Variants in THOC7 observed in about 807,000 individuals in gnomAD.
THOC7 encodes the protein THO complex subunit 7, also known as NIF3L1-binding protein 1.
THOC7 carries 22 observed loss-of-function variants against 33.1 expected under a neutral mutation model. The ratio of observed to expected loss-of-function variants is 0.66; its 90% confidence interval spans 0.47 to 0.95. The LOEUF is 0.95. THOC7 is among the 40% of genes least tolerant of loss of function. The probability of loss-of-function intolerance (pLI) is 0.00; values close to 1 mark genes in which losing one functional copy is unlikely to be tolerated. For missense variants in THOC7, 184 were observed against 245.3 expected (o/e 0.75, Z 1.67); for synonymous variants, 77 against 76.8 (o/e 1.00, Z -0.01).
intron 1 of THOC7, among the ~76,000 whole-genome samples, chr3:63,845,703 A>G (rs1220427631): frequency 6.6e-6 from 1 of 152,174 alleles, no homozygotes; most frequent in African/African-American, 2.4e-5. Flanking sequence ...TAAGTTGGTC[A>G]AGGCGATCTC....
Position 63,839,694 on chromosome 3 carries a change from A to G in THOC7, c.99T>C (p.Ser33=). 6.2e-7 allele frequency: 1 copy of G among 1,612,400 alleles called. No homozygotes were observed. Among genetic ancestry groups the G allele is most frequent in the Admixed American group, 1.7e-5 (1 of 59,996 alleles). Residue 33 remains serine, a synonymous_variant, in exon 2 of 8, where the codon AGT becomes AGC. Coordinates refer to ENST00000295899, the MANE Select transcript of THOC7 (RefSeq NM_025075.4). ...ACCCAGAGTTGCACCATTTAATGAA[A>G]CTCTTCACTAGCAGATTAATTCTCC... ...DDRRINLLVK[S]FIKWCNSGSQ...
chr3:63,853,996 A>G (rs1470832076), intron 1 of THOC7, among the ~76,000 whole-genome samples: 1 of 152,208 alleles, frequency 6.6e-6, no homozygotes, highest in African/African-American at 2.4e-5. Context: ...AGATATATCT[A>G]TGTAGATACA....
intron 1 of THOC7, chr3:63,848,410 C>T (rs1202060519): frequency 6.6e-6 from 1 of 152,102 alleles, no homozygotes; most frequent in Admixed American, 6.5e-5. Context: ...AAATCGACTC[C>T]ACCTATGAGC....
chr3:63,861,471 T>A (rs568601371), intron 1 of THOC7: 1 of 152,394 alleles, frequency 6.6e-6, no homozygotes, highest in South Asian at 2.1e-4. Context: ...CTCCCACCTG[T>A]CCTCTTTGCA....
In THOC7 at chr3:63,835,228, G is replaced by A. The variant is rs749027288; in HGVS notation, c.478-5C>T. 1.2e-6 allele frequency: 2 copies of A among 1,613,326 alleles called. No homozygotes were observed. The highest frequency in any genetic ancestry group is 2.7e-5 in the African/African-American group (2 of 74,884). On this transcript the variant is annotated splice_region_variant and splice_polypyrimidine_tract_variant and intron_variant, in intron 6 of 7. Transcript: ENST00000295899. ...CTGTTTCCGTCTCAATTCCAGCTGTGTTAACAAGAAAAAAATTTATACAAA... is the reference window on the plus strand; with the variant it reads ...CTGTTTCCGTCTCAATTCCAGCTGTATTAACAAGAAAAAAATTTATACAAA...
At chr3:63,862,334 T>C (rs1575819247) in intron 1 of THOC7, among the ~76,000 whole-genome samples, 1 of 152,250 alleles carries the variant, frequency 6.6e-6, no homozygotes, top group African/African-American at 2.4e-5. Context: ...CTCATTTCCA[T>C]TGATTGGATA....
At chr3:63,849,229 A>G (rs72890111) in intron 1 of THOC7, among the ~76,000 whole-genome samples, 4,716 of 152,314 alleles carry the variant, frequency 0.031, 158 homozygotes, top group African/African-American at 0.082. Context: ...TCTACTAAAA[A>G]TACAATAAAT....
At position 63,839,781 on chromosome 3, in the gene THOC7, A is replaced by C. The variant is rs1337433172; in HGVS notation, c.20-8T>G. 1.2e-6 allele frequency: 2 copies of C among 1,610,428 alleles called. No homozygotes were observed. The highest frequency in any genetic ancestry group is 8.5e-7 in the Non-Finnish European group (1 of 1,177,248). ...GCTTCCGTATAACTTCGTCTGCAGG[A>C]AAGAAGGGCAATGTTACCATCTGGC... On this transcript the variant is annotated splice_region_variant and splice_polypyrimidine_tract_variant and intron_variant, in intron 1 of 7. Coordinates refer to ENST00000295899, the MANE Select transcript of THOC7 (RefSeq NM_025075.4).
chr3:63,851,758 G>A lies in THOC7; in HGVS notation c.20-11985C>T, dbSNP rs539401988. The stretch of plus-strand genomic sequence containing the variant: ...TATGCTGTCTGTTCTGTGCTTCTAC[G>A]TTCTTTAGCCCTTCTCTGTATATAA... On this transcript the variant is annotated intron_variant, in intron 1 of 7. Coordinates refer to ENST00000295899, the MANE Select transcript of THOC7 (RefSeq NM_025075.4). Among the ~76,000 whole-genome samples the A allele has an allele frequency of 7.9e-5, 12 of 152,242 alleles. No homozygotes were observed. In the South Asian group the frequency reaches 1.4e-3, roughly 18 times the overall value.
intron 1 of THOC7, among the ~76,000 whole-genome samples, chr3:63,841,327 G>T (rs1485921683): frequency 1.3e-5 from 2 of 152,156 alleles, no homozygotes; most frequent in African/African-American, 4.8e-5. Context: ...AGATAGAGGT[G>T]GGAAAAGATA....
chr3:63,838,342 A>G, intron 3 of THOC7, 30 bp downstream of exon 3: 2 of 1,380,626 alleles, frequency 1.4e-6, no homozygotes, highest in Non-Finnish European at 2.0e-6. Context: ...AAAAAATAAA[A>G]TTACAGATAG....
upstream of THOC7, among the ~76,000 whole-genome samples, chr3:63,864,072 C>A (rs922721672): frequency 1.4e-5 from 2 of 145,752 alleles, no homozygotes; most frequent in Admixed American, 1.4e-4. Context: ...GCGGCCCCGG[C>A]TGCAGCCCGG....
chr3:63,860,934 T>C (rs1702198659), intron 1 of THOC7: 1 of 152,090 alleles, frequency 6.6e-6, no homozygotes, highest in Admixed American at 6.6e-5. Context: ...TCTTGAGGAA[T>C]AAGTGGAGTG....
Position 63,855,462 on chromosome 3 carries a change from A to C in THOC7, c.19+8310T>G, listed in dbSNP as rs144626694. ...AAAACTCTATGTTTCATAAACATAG[A>C]GGCAGGAAGAAATGACTCCTTTACA... On this transcript the variant is annotated intron_variant, in intron 1 of 7. Coordinates refer to ENST00000295899, the MANE Select transcript of THOC7 (RefSeq NM_025075.4). Among the ~76,000 whole-genome samples the C allele has an allele frequency of 3.9e-3, 596 of 152,352 alleles. 2 individuals carry two copies. The highest frequency in any genetic ancestry group is 5.2e-3 in the Non-Finnish European group (352 of 68,038).
At chr3:63,864,342 T>G (rs1284716093), upstream of THOC7, among the ~76,000 whole-genome samples, 4 of 151,776 alleles carry the variant, frequency 2.6e-5, no homozygotes, top group Non-Finnish European at 5.9e-5. Flanking sequence ...GACGCCCGGA[T>G]CCGGCTGAGC....
intron 4 of THOC7, among the ~76,000 whole-genome samples, chr3:63,836,997 T>A (rs1029895765): frequency 6.6e-6 from 1 of 151,946 alleles, no homozygotes; most frequent in Non-Finnish European, 1.5e-5. Context: ...TAAGTTGGTA[T>A]ATGTTACTGT....
intron 1 of THOC7, among the ~76,000 whole-genome samples, chr3:63,853,113 T>C (rs1016658690): frequency 1.2e-4 from 18 of 145,484 alleles, no homozygotes; most frequent in African/African-American, 4.6e-4. Context: ...ATCTCGCCAC[T>C]GCACTCTAGC....
chr3:63,859,802 AT>A (rs923832644), intron 1 of THOC7, among the ~76,000 whole-genome samples: 1 of 152,056 alleles, frequency 6.6e-6, no homozygotes, highest in African/African-American at 2.4e-5. Flanking sequence ...TTTCAGCTTG[AT>A]TTTTTCAAAA....
intron 1 of THOC7, among the ~76,000 whole-genome samples, chr3:63,844,650 C>T (rs538360341): frequency 9.9e-4 from 150 of 152,222 alleles, no homozygotes; most frequent in African/African-American, 3.3e-3. Flanking sequence ...TTAGTAATCT[C>T]GGAGTGAGCT....
Sources: allele counts gnomAD v4.1 joint callset (sites outside exome capture counted in the v4.1 genomes callset), GRCh38; gene constraint gnomAD v4.1.1; transcripts MANE v1.5; gene names NCBI Gene and HGNC (gene_info 2026-07-23, HGNC 2026-07-21).